The following DTWD2 variants were observed in gnomAD, a reference collection of about 807,000 sequenced individuals.
DTWD2 encodes the protein tRNA-uridine aminocarboxypropyltransferase 2.
In DTWD2, 39 loss-of-function variants were observed where a neutral mutation model predicts 31.8. The observed-to-expected ratio is 1.22, with a 90% CI of 0.95 to 1.60. The LOEUF (loss-of-function observed/expected upper bound fraction) is 1.60. Ranked by LOEUF, DTWD2 falls within the 40% of genes most tolerant of loss-of-function variation. The pLI is 0.00. For missense variants in DTWD2, 515 were observed against 381.5 expected, an observed-to-expected ratio of 1.35 and a Z score of -2.92; for synonymous variants, 180 against 142.8, an observed-to-expected ratio of 1.26 and a Z score of -1.86.
intron 3 of DTWD2, among the ~76,000 whole-genome samples, chr5:118,931,363 C>T (rs1413001866): frequency 1.4e-5 from 2 of 145,348 alleles, no homozygotes; most frequent in Non-Finnish European, 3.0e-5. Flanking sequence ...TGTGCCACTA[C>T]ACTCAAGCTT....
chr5:118,967,398 G>A (rs1400671686), intron 1 of DTWD2, among the ~76,000 whole-genome samples: 10 of 152,126 alleles, frequency 6.6e-5, no homozygotes, highest in Admixed American at 6.5e-5. Context: ...CCAAGCACCC[G>A]GATCTTGGTT....
chr5:118,966,269 A>C (rs991585055), intron 1 of DTWD2, among the ~76,000 whole-genome samples: 7 of 152,260 alleles, frequency 4.6e-5, no homozygotes, highest in Non-Finnish European at 7.3e-5. Context: ...AAATATGATA[A>C]AATGTTCAAG....
chr5:118,919,658 A>G (rs112231794), intron 4 of DTWD2, among the ~76,000 whole-genome samples: 280 of 152,366 alleles, frequency 1.8e-3, no homozygotes, highest in African/African-American at 6.4e-3. Context: ...AAGGTTCATA[A>G]CAAGGGAATT....
At chr5:118,924,128 C>G (rs990873647) in intron 4 of DTWD2, among the ~76,000 whole-genome samples, 1 of 152,178 alleles carries the variant, frequency 6.6e-6, no homozygotes, top group Non-Finnish European at 1.5e-5. Flanking sequence ...GACCAACAGA[C>G]AGGGGCAGTG....
intron 2 of DTWD2, among the ~76,000 whole-genome samples, chr5:118,944,252 G>T (rs1041218393): frequency 6.6e-6 from 1 of 152,042 alleles, no homozygotes; most frequent in African/African-American, 2.4e-5. Context: ...AATTTAAAAA[G>T]CAATGATTTT....
At chr5:118,918,024 C>T (rs1258447086) in intron 4 of DTWD2, among the ~76,000 whole-genome samples, 3 of 151,728 alleles carry the variant, frequency 2.0e-5, no homozygotes, top group African/African-American at 7.3e-5. Context: ...GCATGGGGAA[C>T]TGCCCCCATT....
At chr5:118,890,674 G>A (rs904396717) in intron 4 of DTWD2, among the ~76,000 whole-genome samples, 7 of 144,438 alleles carry the variant, frequency 4.8e-5, no homozygotes, top group African/African-American at 7.8e-5. Context: ...AGGTTCAAGC[G>A]ATTCTTCTGC....
intron 1 of DTWD2, among the ~76,000 whole-genome samples, chr5:118,946,625 T>C (rs1754344140): frequency 6.6e-6 from 1 of 152,226 alleles, no homozygotes; most frequent in African/African-American, 2.4e-5. Context: ...TCTATGCTAA[T>C]AGTATTTCAA....
chr5:118,898,486 C>T (rs1029836831), intron 4 of DTWD2, among the ~76,000 whole-genome samples: 12 of 150,940 alleles, frequency 8.0e-5, no homozygotes, highest in Admixed American at 2.0e-4. Context: ...GGTGAAACCC[C>T]GTCGCTACTG....
intron 1 of DTWD2, among the ~76,000 whole-genome samples, chr5:118,966,576 T>C (rs1300892138): frequency 6.6e-6 from 1 of 152,238 alleles, no homozygotes; most frequent in East Asian, 1.9e-4. Context: ...ATAATGCCAG[T>C]CTTATATCTT....
chr5:118,950,025 A>G (rs1358583690), intron 1 of DTWD2, among the ~76,000 whole-genome samples: 2 of 152,072 alleles, frequency 1.3e-5, no homozygotes, highest in African/African-American at 4.8e-5. Context: ...CCTGGCTAAC[A>G]TGGTGAAACC....
chr5:118,848,056 C>A, intron 5 of DTWD2, 34 bp downstream of exon 5: 2 of 1,470,522 alleles, frequency 1.4e-6, no homozygotes, highest in Non-Finnish European at 1.8e-6. Context: ...AGAAAACTCC[C>A]ACTTTGAAAA....
At chr5:118,846,959 C>CACACACAT (rs1374968306) in intron 5 of DTWD2, among the ~76,000 whole-genome samples, 1 of 135,902 alleles carries the variant, frequency 7.4e-6, no homozygotes, top group Non-Finnish European at 1.5e-5. Flanking sequence ...CACACACACA[C>CACACACAT]ACACACATAC....
chr5:118,958,584 C>CAA (rs139781494), intron 1 of DTWD2, among the ~76,000 whole-genome samples: 2 of 107,956 alleles, frequency 1.9e-5, no homozygotes, highest in African/African-American at 3.4e-5. Context: ...CACAGAAAGA[C>CAA]AAAAAAAAAA....
intron 4 of DTWD2, among the ~76,000 whole-genome samples, chr5:118,927,445 A>T (rs530017339): frequency 1.3e-5 from 2 of 152,290 alleles, no homozygotes; most frequent in South Asian, 4.1e-4. Context: ...CTAAAAGCTT[A>T]TATTTTAAAA....
At chr5:118,925,365 G>T (rs1231578084) in intron 4 of DTWD2, among the ~76,000 whole-genome samples, 1 of 152,120 alleles carries the variant, frequency 6.6e-6, no homozygotes, top group Non-Finnish European at 1.5e-5. Context: ...CATTTTTATA[G>T]TAATAGAACA....
At position 118,848,071 on chromosome 5, in the gene DTWD2, T is replaced by C; in HGVS notation, c.726+19A>G. 6.6e-7 allele frequency: 1 copy of C among 1,517,946 alleles called. No homozygotes were observed. Among genetic ancestry groups the C allele is most frequent in the Non-Finnish European group, 8.8e-7 (1 of 1,138,808 alleles). The allele number at this position is 1,517,946 out of a possible 1,614,324, so 94.0% of individuals were successfully genotyped here. On this transcript the variant is annotated intron_variant, in intron 5 of 5. Coordinates refer to ENST00000510708, the MANE Select transcript of DTWD2 (RefSeq NM_173666.4). The stretch of plus-strand genomic sequence containing the variant: ...AGAAAACTCCCACTTTGAAAAACTA[T>C]AACCTTACAAAGACGTACCTCTTGT...
chr5:118,884,607 T>G (rs550281447), intron 4 of DTWD2, among the ~76,000 whole-genome samples: 24 of 152,364 alleles, frequency 1.6e-4, no homozygotes, highest in African/African-American at 5.8e-4. Flanking sequence ...TAAAATTTTT[T>G]TAATCATATG....
chr5:118,932,953 AAGACACAATTACTGATATC>A, intron 3 of DTWD2, among the ~76,000 whole-genome samples: 1 of 152,184 alleles, frequency 6.6e-6, no homozygotes, highest in Non-Finnish European at 1.5e-5. Context: ...AAAAAGAGCA[AAGACACAATTACTGATATC>A]AGAAATAAAA....
Sources: gnomAD v4.1 joint callset for allele counts (sites outside exome capture counted in the v4.1 genomes callset) on GRCh38, gnomAD v4.1.1 for gene constraint, MANE v1.5 for transcripts, NCBI Gene and HGNC (gene_info 2026-07-23, HGNC 2026-07-21) for gene names.